The following TMEM132D variants were observed in gnomAD, a reference collection of about 807,000 sequenced individuals.
The protein encoded by TMEM132D is mature OL transmembrane protein.
Under a neutral mutation model 62.3 loss-of-function variants are expected in TMEM132D, and 21 were observed. The observed-to-expected ratio is 0.34, with a 90% CI of 0.24 to 0.49. The LOEUF (loss-of-function observed/expected upper bound fraction) is 0.49, where lower values mean the gene tolerates loss of function less well. Ranked by LOEUF, TMEM132D falls within the 20% of genes least tolerant of loss-of-function variation. TMEM132D has a pLI of 0.99. For synonymous variants in TMEM132D, 621 were observed against 575.6 expected (o/e 1.08, Z -1.13); for missense variants, 1,346 against 1,402.8 (o/e 0.96, Z 0.65).
rs1874152262 is a variant in TMEM132D, at chr12:129,073,789, G to C, written c.*86C>G. The C allele has an allele frequency of 8.9e-6, 11 of 1,238,350 alleles. No individual in the cohort carries two copies. Among genetic ancestry groups the C allele is most frequent in the Non-Finnish European group, 1.2e-5 (11 of 885,076 alleles). The allele number at this position is 1,238,350 out of a possible 1,614,324, so 76.7% of individuals were successfully genotyped here. ...CATCCTTATTTTGTCCTGCTGCTTT[G>C]TTTCTCTTCCGGGGGCACCGTTGCT... On this transcript the variant is annotated 3_prime_UTR_variant, in exon 9 of 9. Coordinates refer to ENST00000422113, the MANE Select transcript of TMEM132D (RefSeq NM_133448.3).
intron 4 of TMEM132D, among the ~76,000 whole-genome samples, chr12:129,278,573 CA>C (rs1188748556): frequency 6.6e-6 from 1 of 152,136 alleles, no homozygotes; most frequent in Non-Finnish European, 1.5e-5. Flanking sequence ...GCCAAGAAGC[CA>C]TTTGACTGTG....
chr12:129,708,680 T>C (rs1881566334), intron 1 of TMEM132D, among the ~76,000 whole-genome samples: 2 of 37,686 alleles, frequency 5.3e-5, no homozygotes, highest in East Asian at 4.9e-4. Context: ...AACTAGGAAT[T>C]CCAGAAAAAA....
intron 4 of TMEM132D, among the ~76,000 whole-genome samples, chr12:129,307,293 A>C (rs1881868314): frequency 6.6e-6 from 1 of 152,122 alleles, no homozygotes; most frequent in South Asian, 2.1e-4. Context: ...CACCTATTGA[A>C]CCCAACGGAA....
rs575955975 is a variant in TMEM132D, at chr12:129,764,764, G to A, written c.80-64066C>T. Among the ~76,000 whole-genome samples, 58 of 152,182 alleles carry A rather than the reference G, an allele frequency of 3.8e-4. 2 individuals carry two copies. The South Asian group carries it at 0.011, about 30-fold the overall frequency. On this transcript the variant is annotated intron_variant, in intron 1 of 8. Coordinates refer to ENST00000422113, the MANE Select transcript of TMEM132D (RefSeq NM_133448.3). Reference sequence around the variant, plus strand: ...AAGACCAGCCTGGGAAACAAAGTGAGCTCCTATCTCTACAAACAAATTAAA... The same window carrying A: ...AAGACCAGCCTGGGAAACAAAGTGAACTCCTATCTCTACAAACAAATTAAA...
intron 5 of TMEM132D, among the ~76,000 whole-genome samples, chr12:129,134,148 C>G (rs959446086): frequency 2.0e-4 from 23 of 117,462 alleles, no homozygotes; most frequent in African/African-American, 5.3e-4. Flanking sequence ...GTGTGTGTGT[C>G]TGTGTCTGTG....
At chr12:129,684,110 C>G (rs1198709658) in intron 2 of TMEM132D, among the ~76,000 whole-genome samples, 1 of 152,072 alleles carries the variant, frequency 6.6e-6, no homozygotes, top group African/African-American at 2.4e-5. Flanking sequence ...TAAATCCCCC[C>G]AAATAATTAT....
chr12:129,139,283 T>A (rs1382515165), intron 5 of TMEM132D, among the ~76,000 whole-genome samples: 1 of 152,136 alleles, frequency 6.6e-6, no homozygotes, highest in Non-Finnish European at 1.5e-5. Flanking sequence ...GTGTGTGTGT[T>A]GAGAGATTTG....
At chr12:129,792,085 T>C (rs909181915) in intron 1 of TMEM132D, among the ~76,000 whole-genome samples, 1 of 152,216 alleles carries the variant, frequency 6.6e-6, no homozygotes, top group South Asian at 2.1e-4. Context: ...AAGCAAATGT[T>C]TGAATTGCTC....
intron 1 of TMEM132D, among the ~76,000 whole-genome samples, chr12:129,888,115 C>T (rs11060604): frequency 0.26 from 39,807 of 152,118 alleles, 5,791 homozygotes; most frequent in Admixed American, 0.4. Flanking sequence ...GCTTGTAAAA[C>T]AAGCAATTGT....
chr12:129,869,805 G>T (rs1874183920), intron 1 of TMEM132D, among the ~76,000 whole-genome samples: 1 of 152,136 alleles, frequency 6.6e-6, no homozygotes, highest in African/African-American at 2.4e-5. Flanking sequence ...TCTGCCAATG[G>T]GTCATTGCAC....
rs544127438 is a variant in TMEM132D at position 129,869,593 on chromosome 12, G to A, written c.79+33668C>T. 5.3e-5 allele frequency among the ~76,000 whole-genome samples: 8 copies of A among 152,238 alleles called. 1 individual carries two copies. Among genetic ancestry groups the A allele is most frequent in the Middle Eastern group, 3.4e-3 (1 of 294 alleles). On this transcript the variant is annotated intron_variant, in intron 1 of 8. Coordinates refer to ENST00000422113, the MANE Select transcript of TMEM132D (RefSeq NM_133448.3). ...TTTTCCTGAATATTTTCAATCTGAA[G>A]TTGGTTGACTCTGCAGATGCAGAAC...
At chr12:129,702,658 T>C (rs113294676) in intron 1 of TMEM132D, among the ~76,000 whole-genome samples, 2,188 of 152,328 alleles carry the variant, frequency 0.014, 61 homozygotes, top group African/African-American at 0.05. Context: ...TCAAAACACG[T>C]TATGCTTTGC....
At chr12:129,293,459 C>A (rs7135320) in intron 4 of TMEM132D, among the ~76,000 whole-genome samples, 1 of 152,124 alleles carries the variant, frequency 6.6e-6, no homozygotes, top group East Asian at 1.9e-4. Flanking sequence ...TTTCCAAAGA[C>A]GGGTGGCGGG....
chr12:129,716,210 G>C (rs1018415238), intron 1 of TMEM132D, among the ~76,000 whole-genome samples: 3 of 152,182 alleles, frequency 2.0e-5, no homozygotes, highest in Non-Finnish European at 4.4e-5. Flanking sequence ...ATTTTAAAGA[G>C]ATGAAACTTG....
chr12:129,346,250 T>G (rs771890829), intron 3 of TMEM132D, among the ~76,000 whole-genome samples: 3 of 152,200 alleles, frequency 2.0e-5, no homozygotes, highest in Non-Finnish European at 4.4e-5. Context: ...TATTCTCTGA[T>G]GGTAGTTTGT....
intron 2 of TMEM132D, among the ~76,000 whole-genome samples, chr12:129,561,011 G>C (rs1319542922): frequency 6.6e-6 from 1 of 152,188 alleles, no homozygotes; most frequent in Non-Finnish European, 1.5e-5. Flanking sequence ...AGACTGCAGG[G>C]AGACAGGCAT....
In TMEM132D at chr12:129,558,101, C is replaced by T. The variant is rs569523388; in HGVS notation, c.969-26896G>A. On this transcript the variant is annotated intron_variant, in intron 2 of 8. Coordinates refer to ENST00000422113, the MANE Select transcript of TMEM132D (RefSeq NM_133448.3). ...ACAACCCCAACTCTTGCTGGCTTAA[C>T]AAAGATGTATCACTTGCTCAAATTT... Among the ~76,000 whole-genome samples, 15 of 152,208 alleles carry T rather than the reference C, an allele frequency of 9.9e-5. No individual in the cohort carries two copies. In the South Asian group the frequency reaches 1.5e-3, roughly 15 times the overall value.
At chr12:129,483,175 G>A (rs796526935) in intron 3 of TMEM132D, among the ~76,000 whole-genome samples, 40 of 152,254 alleles carry the variant, frequency 2.6e-4, no homozygotes, top group African/African-American at 6.5e-4. Context: ...CGCTTCTATC[G>A]TGAACGTACA....
intron 3 of TMEM132D, among the ~76,000 whole-genome samples, chr12:129,395,686 T>C (rs1428144037): frequency 9.0e-6 from 1 of 110,708 alleles, no homozygotes; most frequent in Non-Finnish European, 2.0e-5. Context: ...TCTGTATATG[T>C]ATATCTACAT....
Sources: allele counts gnomAD v4.1 joint callset (sites outside exome capture counted in the v4.1 genomes callset), GRCh38; gene constraint gnomAD v4.1.1; transcripts MANE v1.5; gene names NCBI Gene and HGNC (gene_info 2026-07-23, HGNC 2026-07-21).